CPEB3: variants seen among roughly 807,000 people sequenced by gnomAD.
The protein encoded by CPEB3 is cytoplasmic polyadenylation element binding protein 3, also known as cytoplasmic polyadenylation element-binding protein 3.
Under a neutral mutation model 67.2 loss-of-function variants are expected in CPEB3, and 20 were observed. The ratio of observed to expected loss-of-function variants is 0.30; its 90% CI spans 0.21 to 0.43. CPEB3 has a LOEUF of 0.43. Among genes scored for constraint, CPEB3 ranks in the 20% least tolerant of loss-of-function variants. The probability of loss-of-function intolerance (pLI) is 1.00; values close to 1 mark genes in which losing one functional copy is unlikely to be tolerated. For synonymous variants in CPEB3, 376 were observed against 393.1 expected (o/e 0.96, Z 0.51); for missense variants, 746 against 968.6 (o/e 0.77, Z 3.05).
At chr10:92,203,545 G>A (rs922173644) in intron 2 of CPEB3, among the ~76,000 whole-genome samples, 10 of 147,980 alleles carry the variant, frequency 6.8e-5, no homozygotes, top group African/African-American at 2.2e-4. Flanking sequence ...TTTTAGAGGT[G>A]TAGCTGGGAT....
chr10:92,110,121 A>G (rs963287533), intron 7 of CPEB3, among the ~76,000 whole-genome samples: 2 of 152,222 alleles, frequency 1.3e-5, no homozygotes, highest in Non-Finnish European at 2.9e-5. Context: ...TTTAAATACA[A>G]GAGTCAACAC....
At chr10:92,098,726 T>C (rs1218476802) in intron 7 of CPEB3, among the ~76,000 whole-genome samples, 1 of 151,698 alleles carries the variant, frequency 6.6e-6, no homozygotes, top group African/African-American at 2.4e-5. Flanking sequence ...CTAAACTGTA[T>C]AAAAGATATG....
intron 6 of CPEB3, chr10:92,119,232 C>T (rs1845209464): frequency 6.3e-7 from 1 of 1,580,208 alleles, no homozygotes; most frequent in African/African-American, 1.3e-5. Flanking sequence ...GTTTGTCACT[C>T]TTATCTCCAG....
In CPEB3 at chr10:92,175,607, A is replaced by C. The variant is rs73316073; in HGVS notation, c.1222+5356T>G. 5.8e-3 allele frequency among the ~76,000 whole-genome samples: 884 copies of C among 152,328 alleles called. 9 individuals carry two copies. The highest frequency in any genetic ancestry group is 0.02 in the African/African-American group (851 of 41,572). On this transcript the variant is annotated intron_variant, in intron 4 of 9. Transcript: ENST00000265997. ...AAGTGCCAACATCACAAGATATTTA[A>C]CAACTGAGAAAGGCCAGTAGGATCC... is the stretch of plus-strand genomic sequence containing the variant.
rs1470928463 is a variant in CPEB3, at chr10:92,216,639, T to C, written c.1005+22707A>G. The C allele has an allele frequency of 1.9e-6, 3 of 1,607,908 alleles. No homozygotes were observed. In the African/African-American group the frequency reaches 4.0e-5, roughly 22 times the overall value. ...CCAGTTAGGTGTGAGGACCGAAATC[T>C]GCCCTATGTCTATATCCCCTCTAAG... On this transcript the variant is annotated intron_variant, in intron 2 of 9. Coordinates refer to ENST00000265997, the MANE Select transcript of CPEB3 (RefSeq NM_014912.5).
chr10:92,238,451 T>C (rs1451397610), intron 2 of CPEB3, among the ~76,000 whole-genome samples: 3 of 152,198 alleles, frequency 2.0e-5, no homozygotes, highest in African/African-American at 7.2e-5. Flanking sequence ...GGACTCATTT[T>C]TCATTAAAGT....
chr10:92,172,079 T>C (rs1314427425), intron 4 of CPEB3, among the ~76,000 whole-genome samples: 1 of 152,124 alleles, frequency 6.6e-6, no homozygotes, highest in Non-Finnish European at 1.5e-5. Flanking sequence ...GAGGATCCTA[T>C]GAGCCTAGGA....
At chr10:92,289,732 A>AAAAAAAAAATATATATAT in intron 1 of CPEB3, among the ~76,000 whole-genome samples, 1 of 75,772 alleles carries the variant, frequency 1.3e-5, no homozygotes, top group Non-Finnish European at 2.6e-5. Context: ...AAAAAAAAAA[A>AAAAAAAAAATATATATAT]ATATATATAT....
At chr10:92,187,147 T>C (rs1848730825) in intron 3 of CPEB3, among the ~76,000 whole-genome samples, 1 of 152,234 alleles carries the variant, frequency 6.6e-6, no homozygotes, top group Admixed American at 6.5e-5. Flanking sequence ...TAAATTGTGA[T>C]GAATAAAGAA....
intron 1 of CPEB3, among the ~76,000 whole-genome samples, chr10:92,262,082 G>A (rs1007779358): frequency 2.0e-5 from 3 of 152,184 alleles, no homozygotes; most frequent in African/African-American, 7.2e-5. Flanking sequence ...AGTCATATCT[G>A]TTCTCTTCTT....
chr10:92,103,439 T>C (rs1324972078), intron 7 of CPEB3, among the ~76,000 whole-genome samples: 2 of 152,214 alleles, frequency 1.3e-5, no homozygotes, highest in African/African-American at 4.8e-5. Flanking sequence ...CTAAGGAAGC[T>C]AAGGATCAGA....
At chr10:92,225,162 A>T (rs923751277) in intron 2 of CPEB3, among the ~76,000 whole-genome samples, 1 of 151,852 alleles carries the variant, frequency 6.6e-6, no homozygotes, top group Non-Finnish European at 1.5e-5. Flanking sequence ...TTTAGTAGAG[A>T]TGGGGTTGCA....
chr10:92,135,122 A>G (rs1846030201), intron 6 of CPEB3, among the ~76,000 whole-genome samples: 2 of 152,234 alleles, frequency 1.3e-5, no homozygotes. Context: ...GTCATGACTA[A>G]AACACCAAAA....
intron 1 of CPEB3, among the ~76,000 whole-genome samples, chr10:92,272,446 A>G (rs1448095782): frequency 1.3e-5 from 2 of 152,180 alleles, no homozygotes; most frequent in African/African-American, 4.8e-5. Flanking sequence ...GTCACTGCCT[A>G]ATGCCCTCTC....
rs539899015 is a variant in CPEB3 at position 92,143,236 on chromosome 10, A to G, written c.1364-118T>C. 4.5e-6 allele frequency: 3 copies of G among 672,080 alleles called. No homozygotes were observed. The South Asian group carries it at 6.0e-5, about 13-fold the overall frequency. 41.6% of individuals were successfully genotyped at this position (672,080 alleles called of 1,614,324 possible). A position where few individuals can be genotyped will look rare whatever the true frequency, so the allele number is the denominator to read the frequency against. On this transcript the variant is annotated intron_variant, in intron 5 of 9. Transcript: ENST00000265997. ...AAATGTTTTGAGGGTTGTTTTCTAT[A>G]GCATCTTTACGGAAGTGAAACCTAC... is the stretch of plus-strand genomic sequence containing the variant.
chr10:92,137,373 A>G, intron 6 of CPEB3: 1 of 1,099,000 alleles, frequency 9.1e-7, no homozygotes, highest in East Asian at 2.6e-5. Context: ...TGTCTCCCAA[A>G]TACATCAAGA....
intron 4 of CPEB3, among the ~76,000 whole-genome samples, chr10:92,168,326 T>A (rs554082370): frequency 1.3e-5 from 2 of 152,214 alleles, no homozygotes; most frequent in African/African-American, 4.8e-5. Flanking sequence ...CTGGAGCTAA[T>A]AGAAAAGTGT....
intron 2 of CPEB3, chr10:92,216,361 G>A: frequency 1.9e-6 from 3 of 1,610,294 alleles, no homozygotes; most frequent in Non-Finnish European, 2.5e-6. Flanking sequence ...ATCCCGAAGG[G>A]CCCGAGGCTC....
At chr10:92,125,604 G>A (rs1166060805) in intron 6 of CPEB3, among the ~76,000 whole-genome samples, 1 of 152,134 alleles carries the variant, frequency 6.6e-6, no homozygotes, top group Non-Finnish European at 1.5e-5. Context: ...CAGCAACTTT[G>A]GAGATGGAAT....
Sources: gnomAD v4.1 joint callset for allele counts (sites outside exome capture counted in the v4.1 genomes callset) on GRCh38, gnomAD v4.1.1 for gene constraint, MANE v1.5 for transcripts, NCBI Gene and HGNC (gene_info 2026-07-23, HGNC 2026-07-21) for gene names.